The following MT1X variants were observed in gnomAD, a reference collection of about 807,000 sequenced individuals.
MT1X encodes metallothionein 1X, also known as metallothionein-1X.
In MT1X, 7 loss-of-function variants were observed where a neutral mutation model predicts 8.6. The ratio of observed to expected loss-of-function variants is 0.81; its 90% CI spans 0.46 to 1.52. MT1X has a LOEUF of 1.52. Ranked by LOEUF, MT1X falls within the 40% of genes most tolerant of loss-of-function variation. MT1X has a pLI of 0.01. For missense variants in MT1X, 72 were observed against 74.3 expected (o/e 0.97, Z 0.11); for synonymous variants, 25 against 27.6 (o/e 0.91, Z 0.30).
intron 1 of MT1X, 184 bp downstream of exon 1, chr16:56,682,752 A>G: frequency 1.3e-6 from 1 of 744,326 alleles, no homozygotes. Flanking sequence ...TCTAAGTTAG[A>G]GTTGAGGGTA....
Position 56,684,030 on chromosome 16 carries a change from A to T in MT1X, c.167A>T (p.Lys56Met). Residue 56 changes from lysine to methionine, a missense_variant, in exon 3 of 3, where the codon AAG becomes ATG. Coordinates refer to ENST00000394485, the MANE Select transcript of MT1X (RefSeq NM_005952.4). Reference sequence around the variant, plus strand: ...TGCATCTGCAAAGGGACGTCAGACAAGTGCAGCTGCTGTGCCTGATGCCAG... The same window carrying T: ...TGCATCTGCAAAGGGACGTCAGACATGTGCAGCTGCTGTGCCTGATGCCAG... Reference protein sequence around the residue: ...QGCICKGTSDKCSCCA With the variant: ...QGCICKGTSDMCSCCA 1.9e-6 allele frequency: 3 copies of T among 1,613,906 alleles called. No individual in the cohort carries two copies. The East Asian group carries it at 6.7e-5, about 36-fold the overall frequency.
Position 56,683,982 on chromosome 16 carries a change from G to T in MT1X, c.119G>T (p.Gly40Val), listed in dbSNP as rs1449360333. ...KKSCCSCCPV[G>V]CAKCAQGCIC... ...GGCTGCTGCTCCTGCTGCCCTGTGG[G>T]CTGTGCCAAGTGTGCCCAGGGCTGC... Residue 40 changes from glycine (G) to valine (V), a missense_variant, in exon 3 of 3, where the codon GGC becomes GTC. Physicochemically the swap from Gly to Val is moderately radical, Grantham distance 109. Coordinates refer to ENST00000394485, the MANE Select transcript of MT1X (RefSeq NM_005952.4). 17 of 1,614,066 alleles carry T rather than the reference G, an allele frequency of 1.1e-5. No individual in the cohort carries two copies. The highest frequency in any genetic ancestry group is 1.4e-5 in the Non-Finnish European group (16 of 1,180,030).
At chr16:56,683,253 G>A (rs371829461) in intron 2 of MT1X, 23 bp downstream of exon 2, 16 of 1,613,334 alleles carry the variant, frequency 9.9e-6, no homozygotes, top group Non-Finnish European at 1.4e-5. Context: ...CCTTCCCTGC[G>A]AATCTGGGGG....
At position 56,683,205 on chromosome 16, in the gene MT1X, G is replaced by C; in HGVS notation, c.69G>C (p.Glu23Asp). The C allele has an allele frequency of 6.2e-7, 1 of 1,614,040 alleles. No homozygotes were observed. Among genetic ancestry groups the C allele is most frequent in the Non-Finnish European group, 8.5e-7 (1 of 1,179,944 alleles). ...GTGCCGGCTCCTGCAAATGCAAAGA[G>C]TGCAAATGCACCTCCTGCAAGAAGA... is the stretch of plus-strand genomic sequence containing the variant. The part of the protein sequence containing the change: ...CACAGSCKCK[E>D]CKCTSCKKSC... Residue 23 changes from glutamate (E) to aspartate (D), a missense_variant, in exon 2 of 3, where the codon GAG (glutamate) becomes GAC (aspartate). By Grantham distance (45) the Glu-to-Asp change is conservative. Transcript: ENST00000394485.
intron 2 of MT1X, 118 bp from the exon 3 acceptor site, chr16:56,683,840 C>A: frequency 1.4e-6 from 2 of 1,424,282 alleles, no homozygotes; most frequent in Non-Finnish European, 1.9e-6. Flanking sequence ...CAAAGCCATG[C>A]CATCCTGAAA....
In MT1X at chr16:56,683,232, T is replaced by C; in HGVS notation, c.94+2T>C. ...GCAAATGCACCTCCTGCAAGAAGAG[T>C]GAGTGCAGGGCCTTCCCTGCGAATC... On this transcript the variant is annotated splice_donor_variant, in intron 2 of 2. Transcript: ENST00000394485. LOFTEE classifies it high-confidence loss of function. The C allele has an allele frequency of 2.5e-6, 4 of 1,613,616 alleles. No homozygotes were observed. The South Asian group carries it at 4.4e-5, about 18-fold the overall frequency.
In MT1X at chr16:56,683,219, C is replaced by T. The variant is rs1331111157; in HGVS notation, c.83C>T (p.Ser28Phe). 2 of 1,613,876 alleles carry T rather than the reference C, an allele frequency of 1.2e-6. No individual in the cohort carries two copies. The highest frequency in any genetic ancestry group is 1.7e-6 in the Non-Finnish European group (2 of 1,179,918). The change falls in exon 2 of 3, where the codon TCC becomes TTC. Residue 28 changes from serine (S) to phenylalanine (F), a missense_variant. Ser to Phe is a radical substitution (Grantham distance 155). Coordinates refer to ENST00000394485, the MANE Select transcript of MT1X (RefSeq NM_005952.4). ...AAATGCAAAGAGTGCAAATGCACCTCCTGCAAGAAGAGTGAGTGCAGGGCC... is the reference window on the plus strand; with the variant it reads ...AAATGCAAAGAGTGCAAATGCACCTTCTGCAAGAAGAGTGAGTGCAGGGCC... ...SCKCKECKCT[S>F]CKKSCCSCCP... is the part of the protein sequence containing the mutation.
chr16:56,682,588 G>A lies in MT1X; in HGVS notation c.28+20G>A. 1 of 1,614,122 alleles carries A rather than the reference G, an allele frequency of 6.2e-7. No individual in the cohort carries two copies. On this transcript the variant is annotated intron_variant, in intron 1 of 2. Coordinates refer to ENST00000394485, the MANE Select transcript of MT1X (RefSeq NM_005952.4). ...CGCCTGGTAAGGGACACCTAGCTCC[G>A]CGCCTTGGGATGCCCGTTTCCCAGC...
At chr16:56,682,632 T>C in intron 1 of MT1X, 64 bp downstream of exon 1, 3 of 1,597,324 alleles carry the variant, frequency 1.9e-6, no homozygotes, top group Middle Eastern at 1.7e-4. Context: ...AGACTCTTCC[T>C]GGGTTTGAAG....
intron 2 of MT1X, 25 bp from the exon 3 acceptor site, chr16:56,683,933 C>A: frequency 6.2e-7 from 1 of 1,613,790 alleles, no homozygotes; most frequent in Non-Finnish European, 8.5e-7. Context: ...CTGCTCTGAC[C>A]TCTCACTCTC....
At chr16:56,683,646 G>GC in intron 2 of MT1X, 1 of 411,704 alleles carries the variant, frequency 2.4e-6, no homozygotes, top group Non-Finnish European at 4.4e-6. Flanking sequence ...TCAGGGATTT[G>GC]CCCCCTGTCC....
At chr16:56,683,402 T>G in intron 2 of MT1X, 172 bp downstream of exon 2, 1 of 682,002 alleles carries the variant, frequency 1.5e-6, no homozygotes, top group Non-Finnish European at 2.4e-6. Flanking sequence ...TCCCAGCCTC[T>G]TATTACCAAA....
At position 56,682,489 on chromosome 16, in the gene MT1X, C is replaced by T; in HGVS notation, c.-52C>T. On this transcript the variant is annotated 5_prime_UTR_variant, in exon 1 of 3. Coordinates refer to ENST00000394485, the MANE Select transcript of MT1X (RefSeq NM_005952.4). ...GGCTCCACCACGCTTTTCATCTGTC[C>T]CGCTGCGTGTTTTCCTCTTGATCGG... The T allele has an allele frequency of 1.2e-6, 2 of 1,610,220 alleles. No individual in the cohort carries two copies. Among genetic ancestry groups the T allele is most frequent in the South Asian group, 1.1e-5 (1 of 91,002 alleles).
At chr16:56,683,346 C>A in intron 2 of MT1X, 116 bp downstream of exon 2, 2 of 1,197,316 alleles carry the variant, frequency 1.7e-6, no homozygotes, top group Non-Finnish European at 2.4e-6. Context: ...CCTCCTTCAA[C>A]ACCTGATTCA....
chr16:56,682,748 T>A, intron 1 of MT1X, 180 bp downstream of exon 1: 1 of 772,342 alleles, frequency 1.3e-6, no homozygotes, highest in South Asian at 1.8e-5. Flanking sequence ...TGCCTCTAAG[T>A]TAGAGTTGAG....
At chr16:56,682,759 G>C in intron 1 of MT1X, 191 bp downstream of exon 1, 1 of 710,490 alleles carries the variant, frequency 1.4e-6, no homozygotes, top group Non-Finnish European at 2.3e-6. Context: ...TAGAGTTGAG[G>C]GTACTGAGGC....
chr16:56,682,515 G>A lies in MT1X; in HGVS notation c.-26G>A, dbSNP rs753928069. 3.1e-6 allele frequency: 5 copies of A among 1,614,058 alleles called. No homozygotes were observed. The highest frequency in any genetic ancestry group is 1.3e-5 in the African/African-American group (1 of 74,938). ...CGCTGCGTGTTTTCCTCTTGATCGG[G>A]AACTCCTGCTTCTCCTTGCCTCGAA... On this transcript the variant is annotated 5_prime_UTR_variant, in exon 1 of 3. Transcript: ENST00000394485.
At chr16:56,683,750 T>C in intron 2 of MT1X, 1 of 684,004 alleles carries the variant, frequency 1.5e-6, no homozygotes, top group South Asian at 1.8e-5. Flanking sequence ...CAGTCTTCTG[T>C]CCTGTCCCAG....
At position 56,684,151 on chromosome 16, in the gene MT1X, T is replaced by A; in HGVS notation, c.*102T>A. On this transcript the variant is annotated 3_prime_UTR_variant, in exon 3 of 3. Transcript: ENST00000394485. ...ACAACCCTGACCCGTTTGCTACATC[T>A]TTTTTTCTATGAAATATGTGAATGG... is the stretch of plus-strand genomic sequence containing the variant. The A allele has an allele frequency of 7.4e-7, 1 of 1,349,546 alleles. No homozygotes were observed. Among genetic ancestry groups the A allele is most frequent in the Non-Finnish European group, 1.0e-6 (1 of 997,604 alleles). The allele number at this position is 1,349,546 out of a possible 1,614,324, so 83.6% of individuals were successfully genotyped here. A position where few individuals can be genotyped will look rare whatever the true frequency, so the allele number is the denominator to read the frequency against.
Sources: allele counts gnomAD v4.1 joint callset, GRCh38; gene constraint gnomAD v4.1.1; transcripts MANE v1.5; gene names NCBI Gene and HGNC (gene_info 2026-07-23, HGNC 2026-07-21).